The following CHSY3 variants were observed in gnomAD, a reference collection of about 807,000 sequenced individuals.
CHSY3 encodes the protein N-acetylgalactosaminyl-proteoglycan 3-beta-glucuronosyltransferase 3.
CHSY3 carries 35 observed loss-of-function variants against 67.2 expected under a neutral mutation model. That is an observed-to-expected ratio of 0.52 (90% confidence interval 0.40 to 0.69). CHSY3 has a LOEUF of 0.69. CHSY3 is among the 30% of genes least tolerant of loss of function. The pLI, the probability that CHSY3 is intolerant of heterozygous loss-of-function variation, is 0.00. For missense variants in CHSY3, 1,069 were observed against 1,138.5 expected, an observed-to-expected ratio of 0.94 and a Z score of 0.88; for synonymous variants, 474 against 434.7, an observed-to-expected ratio of 1.09 and a Z score of -1.12.
At chr5:129,919,664 T>G (rs946326177) in intron 2 of CHSY3, among the ~76,000 whole-genome samples, 1 of 152,196 alleles carries the variant, frequency 6.6e-6, no homozygotes, top group Non-Finnish European at 1.5e-5. Context: ...CATGATTCAG[T>G]TATCTCCCCC....
At chr5:129,920,485 C>T (rs1037672100) in intron 2 of CHSY3, among the ~76,000 whole-genome samples, 2 of 152,134 alleles carry the variant, frequency 1.3e-5, no homozygotes, top group African/African-American at 4.8e-5. Context: ...ATCTCGTGAT[C>T]CACCCACCTT....
chr5:130,129,360 C>A (rs530061742), intron 2 of CHSY3, among the ~76,000 whole-genome samples: 1 of 152,164 alleles, frequency 6.6e-6, no homozygotes, highest in African/African-American at 2.4e-5. Flanking sequence ...AATCTCTACT[C>A]ATGATATGCC....
intron 2 of CHSY3, among the ~76,000 whole-genome samples, chr5:130,078,048 A>G (rs570420660): frequency 6.6e-6 from 1 of 152,060 alleles, no homozygotes; most frequent in African/African-American, 2.4e-5. Context: ...ACTTTGAAGT[A>G]TTATTTCCAT....
At chr5:130,101,438 A>G (rs1367526209) in intron 2 of CHSY3, among the ~76,000 whole-genome samples, 5 of 152,158 alleles carry the variant, frequency 3.3e-5, no homozygotes, top group East Asian at 1.9e-4. Flanking sequence ...AGTTAAGACT[A>G]TAAGATATTT....
chr5:129,948,031 G>A (rs180988006), intron 2 of CHSY3, among the ~76,000 whole-genome samples: 1 of 152,116 alleles, frequency 6.6e-6, no homozygotes, highest in East Asian at 1.9e-4. Flanking sequence ...TAAATTGTTT[G>A]CAAATATTTT....
intron 2 of CHSY3, among the ~76,000 whole-genome samples, chr5:130,016,561 G>A (rs984357428): frequency 6.6e-6 from 1 of 152,032 alleles, no homozygotes; most frequent in Non-Finnish European, 1.5e-5. Flanking sequence ...ACAGGTGCCC[G>A]GGATTACAGC....
At chr5:130,167,956 C>G (rs1421540651) in intron 2 of CHSY3, among the ~76,000 whole-genome samples, 1 of 152,060 alleles carries the variant, frequency 6.6e-6, no homozygotes, top group Non-Finnish European at 1.5e-5. Flanking sequence ...AAGAGCAGGT[C>G]TCAAAACCAA....
intron 2 of CHSY3, among the ~76,000 whole-genome samples, chr5:130,090,790 A>G (rs1466958173): frequency 6.6e-6 from 1 of 152,198 alleles, no homozygotes; most frequent in Non-Finnish European, 1.5e-5. Context: ...GGACAGAAGG[A>G]AGCAATTACA....
At chr5:130,047,277 A>AGATG (rs1185593840) in intron 2 of CHSY3, among the ~76,000 whole-genome samples, 9 of 152,064 alleles carry the variant, frequency 5.9e-5, no homozygotes, top group African/African-American at 2.2e-4. Context: ...TTGTTCCCTA[A>AGATG]GATTTTAACT....
chr5:129,929,212 G>A (rs1476919013), intron 2 of CHSY3, among the ~76,000 whole-genome samples: 3 of 152,206 alleles, frequency 2.0e-5, no homozygotes, highest in Non-Finnish European at 4.4e-5. Flanking sequence ...CTACTAGACA[G>A]TTGGAGCTAG....
intron 2 of CHSY3, among the ~76,000 whole-genome samples, chr5:130,063,810 T>C (rs1385887741): frequency 1.3e-5 from 2 of 152,100 alleles, no homozygotes; most frequent in African/African-American, 2.4e-5. Context: ...GCTAGCCCAA[T>C]GCTGTGTGGA....
intron 2 of CHSY3, among the ~76,000 whole-genome samples, chr5:130,160,240 A>T (rs1271556060): frequency 2.0e-5 from 3 of 152,198 alleles, no homozygotes; most frequent in Non-Finnish European, 4.4e-5. Context: ...AGAACAAGCA[A>T]GTTCCTTGTC....
chr5:129,915,432 G>A (rs1022556406), intron 2 of CHSY3, among the ~76,000 whole-genome samples: 2 of 152,150 alleles, frequency 1.3e-5, no homozygotes, highest in African/African-American at 4.8e-5. Flanking sequence ...GTCTTAGAAA[G>A]TGTATAACAC....
At chr5:130,151,040 C>T (rs1769219139) in intron 2 of CHSY3, among the ~76,000 whole-genome samples, 1 of 152,054 alleles carries the variant, frequency 6.6e-6, no homozygotes, top group Non-Finnish European at 1.5e-5. Flanking sequence ...ATTTTGTAAG[C>T]TCATAGTGTC....
chr5:129,954,687 A>T (rs767916831), intron 2 of CHSY3, among the ~76,000 whole-genome samples: 3 of 151,942 alleles, frequency 2.0e-5, no homozygotes, highest in Non-Finnish European at 4.4e-5. Context: ...CTCCTTGAAG[A>T]GGTCCTTCAC....
At chr5:129,995,937 C>T (rs1420635791) in intron 2 of CHSY3, among the ~76,000 whole-genome samples, 1 of 152,002 alleles carries the variant, frequency 6.6e-6, no homozygotes, top group Non-Finnish European at 1.5e-5. Context: ...TTTTCCATCT[C>T]TCTCTTCCTC....
intron 2 of CHSY3, among the ~76,000 whole-genome samples, chr5:130,064,697 T>G (rs548083346): frequency 1.3e-5 from 2 of 152,306 alleles, no homozygotes; most frequent in Admixed American, 6.5e-5. Context: ...CAGAGAATTC[T>G]CAAGAGCAAG....
chr5:129,983,638 A>C (rs1763086463), intron 2 of CHSY3, among the ~76,000 whole-genome samples: 3 of 152,022 alleles, frequency 2.0e-5, no homozygotes, highest in Non-Finnish European at 2.9e-5. Context: ...GGCAAGAGAG[A>C]GGGTAGATAC....
intron 2 of CHSY3, among the ~76,000 whole-genome samples, chr5:129,986,015 C>T (rs1006836808): frequency 6.6e-6 from 1 of 151,990 alleles, no homozygotes. Context: ...ATTTGGATGC[C>T]TTTTATTTCT....
Sources: allele counts gnomAD v4.1 joint callset (sites outside exome capture counted in the v4.1 genomes callset), GRCh38; gene constraint gnomAD v4.1.1; transcripts MANE v1.5; gene names NCBI Gene and HGNC (gene_info 2026-07-23, HGNC 2026-07-21).